The following HS6ST3 variants were observed in gnomAD, a reference collection of about 807,000 sequenced individuals.
The protein encoded by HS6ST3 is heparan-sulfate 6-O-sulfotransferase 3.
In HS6ST3, 12 loss-of-function variants were observed where a neutral mutation model predicts 36.7. That is an observed-to-expected ratio of 0.33 (90% CI 0.21 to 0.53). The LOEUF (loss-of-function observed/expected upper bound fraction) is 0.53, where lower values mean the gene tolerates loss of function less well. HS6ST3 is among the 20% of genes least tolerant of loss of function. HS6ST3 has a pLI of 0.95. For synonymous variants in HS6ST3, 240 were observed against 257.5 expected (o/e 0.93, Z 0.65); for missense variants, 584 against 640.9 (o/e 0.91, Z 0.96).
intron 1 of HS6ST3, among the ~76,000 whole-genome samples, chr13:96,611,942 T>A (rs2056458358): frequency 6.6e-6 from 1 of 152,098 alleles, no homozygotes; most frequent in Non-Finnish European, 1.5e-5. Context: ...GAAAGTAACA[T>A]GGCATTTGCA....
intron 1 of HS6ST3, among the ~76,000 whole-genome samples, chr13:96,552,236 A>G (rs1049030063): frequency 6.6e-6 from 1 of 152,302 alleles, no homozygotes; most frequent in East Asian, 1.9e-4. Flanking sequence ...TTCCTCTTAA[A>G]CACGTTTTAC....
At chr13:96,395,701 G>C (rs573505101) in intron 1 of HS6ST3, among the ~76,000 whole-genome samples, 18 of 152,288 alleles carry the variant, frequency 1.2e-4, no homozygotes, top group African/African-American at 3.8e-4. Flanking sequence ...CCCAGTTTCA[G>C]TAGGGTTGAA....
At chr13:96,601,810 C>T (rs1594816053) in intron 1 of HS6ST3, among the ~76,000 whole-genome samples, 1 of 152,128 alleles carries the variant, frequency 6.6e-6, no homozygotes, top group East Asian at 1.9e-4. Context: ...GAGGATGTGA[C>T]TTTAGTATGT....
intron 1 of HS6ST3, among the ~76,000 whole-genome samples, chr13:96,210,527 G>A (rs116755982): frequency 0.012 from 1,766 of 151,794 alleles, 37 homozygotes; most frequent in African/African-American, 0.041. Context: ...TATTTGTTTC[G>A]ATCACATGAA....
rs541140492 is a variant in HS6ST3 at position 96,187,124 on chromosome 13, G to A, written c.707+95555G>A. On this transcript the variant is annotated intron_variant, in intron 1 of 1. Transcript: ENST00000376705. ...CCTCTACTTTGGTACTGGCAGGGCT[G>A]CTTCTCAGCATTTTGCAGGTAAAAA... 1.1e-4 allele frequency among the ~76,000 whole-genome samples: 17 copies of A among 152,316 alleles called. No individual in the cohort carries two copies. In the South Asian group the frequency reaches 3.5e-3, roughly 32 times the overall value.
chr13:96,610,784 A>C (rs1348368280), intron 1 of HS6ST3, among the ~76,000 whole-genome samples: 2 of 152,080 alleles, frequency 1.3e-5, no homozygotes, highest in African/African-American at 4.8e-5. Flanking sequence ...AATAGAAGAG[A>C]CAGATAGTAC....
At chr13:96,178,679 CTCTGTT>C (rs1478598890) in intron 1 of HS6ST3, among the ~76,000 whole-genome samples, 2 of 152,224 alleles carry the variant, frequency 1.3e-5, no homozygotes, top group East Asian at 3.9e-4. Context: ...GAGTGAATCT[CTCTGTT>C]TCTAAGCATC....
intron 1 of HS6ST3, among the ~76,000 whole-genome samples, chr13:96,460,115 C>G (rs1279177345): frequency 1.3e-5 from 2 of 152,168 alleles, no homozygotes; most frequent in Non-Finnish European, 2.9e-5. Flanking sequence ...ATATACACAA[C>G]ACAATAGGCA....
At chr13:96,197,255 G>C (rs1050553282) in intron 1 of HS6ST3, among the ~76,000 whole-genome samples, 6 of 152,140 alleles carry the variant, frequency 3.9e-5, no homozygotes, top group Non-Finnish European at 5.9e-5. Context: ...GCAGTGGCAA[G>C]AGAAAATGAG....
rs188727782 is a variant in HS6ST3, at chr13:96,189,609, T to A, written c.707+98040T>A. ...GGTCCAAGAATCAGTCAACATTTGC[T>A]GCAGTAATAACTGTCAAATCCCAGT... On this transcript the variant is annotated intron_variant, in intron 1 of 1. Coordinates refer to ENST00000376705, the MANE Select transcript of HS6ST3 (RefSeq NM_153456.4). 1.4e-4 allele frequency among the ~76,000 whole-genome samples: 22 copies of A among 152,314 alleles called. No homozygotes were observed. The East Asian group carries it at 4.2e-3, about 29-fold the overall frequency.
At chr13:96,115,593 G>T (rs1266603330) in intron 1 of HS6ST3, among the ~76,000 whole-genome samples, 1 of 152,110 alleles carries the variant, frequency 6.6e-6, no homozygotes, top group Non-Finnish European at 1.5e-5. Context: ...CCTTTTTGTG[G>T]CTGCATAGTA....
At chr13:96,149,071 G>C (rs1033487779) in intron 1 of HS6ST3, among the ~76,000 whole-genome samples, 7 of 152,124 alleles carry the variant, frequency 4.6e-5, no homozygotes, top group Admixed American at 3.9e-4. Context: ...TTAGAAAATG[G>C]AATAGGAAAC....
chr13:96,713,190 TG>T (rs1403735485), intron 1 of HS6ST3, among the ~76,000 whole-genome samples: 2 of 152,242 alleles, frequency 1.3e-5, no homozygotes, highest in Non-Finnish European at 2.9e-5. Flanking sequence ...GCCATAAGTT[TG>T]TAGGACTGCT....
intron 1 of HS6ST3, among the ~76,000 whole-genome samples, chr13:96,132,119 A>G (rs537766248): frequency 6.2e-4 from 68 of 108,840 alleles, no homozygotes; most frequent in African/African-American, 2.3e-3. Flanking sequence ...ATAGTATTCC[A>G]GTACACACAC....
At chr13:96,180,547 T>C (rs201405758) in intron 1 of HS6ST3, among the ~76,000 whole-genome samples, 1 of 149,548 alleles carries the variant, frequency 6.7e-6, no homozygotes, top group South Asian at 2.1e-4. Flanking sequence ...CTTTTCAGCG[T>C]TTTTAATGAT....
chr13:96,716,524 A>G (rs888465940), intron 1 of HS6ST3, among the ~76,000 whole-genome samples: 1 of 152,146 alleles, frequency 6.6e-6, no homozygotes, highest in African/African-American at 2.4e-5. Flanking sequence ...GCAACTCTCT[A>G]ATATGATAAT....
chr13:96,686,286 T>G (rs974457187), intron 1 of HS6ST3, among the ~76,000 whole-genome samples: 1 of 152,044 alleles, frequency 6.6e-6, no homozygotes, highest in Non-Finnish European at 1.5e-5. Context: ...TTTATTGATG[T>G]GGAGACCAGA....
At chr13:96,406,302 A>G (rs2055477987) in intron 1 of HS6ST3, among the ~76,000 whole-genome samples, 3 of 152,236 alleles carry the variant, frequency 2.0e-5, no homozygotes. Context: ...TTATACCATA[A>G]TTCTTAGGCT....
intron 1 of HS6ST3, among the ~76,000 whole-genome samples, chr13:96,594,998 G>T (rs2056396207): frequency 6.6e-6 from 1 of 152,100 alleles, no homozygotes; most frequent in Non-Finnish European, 1.5e-5. Context: ...CAGAATATTT[G>T]GTTGGTAGCT....
Sources: gnomAD v4.1 joint callset for allele counts (sites outside exome capture counted in the v4.1 genomes callset) on GRCh38, gnomAD v4.1.1 for gene constraint, MANE v1.5 for transcripts, NCBI Gene and HGNC (gene_info 2026-07-23, HGNC 2026-07-21) for gene names.